The following ATG16L2 variants were observed in gnomAD, a reference collection of about 807,000 sequenced individuals.
The protein encoded by ATG16L2 is autophagy related 16 like 2.
Under a neutral mutation model 84.7 loss-of-function variants are expected in ATG16L2, and 77 were observed. The ratio of observed to expected loss-of-function variants is 0.91; its 90% CI spans 0.76 to 1.10. ATG16L2 has a LOEUF of 1.10. Among genes scored for constraint, ATG16L2 ranks in the 50% least tolerant of loss-of-function variants. ATG16L2 has a pLI of 0.00. For synonymous variants in ATG16L2, 361 were observed against 342.8 expected (o/e 1.05, Z -0.59); for missense variants, 782 against 817.6 (o/e 0.96, Z 0.53).
At chr11:72,824,336 C>T (rs1414205776) in intron 8 of ATG16L2, 2 of 613,722 alleles carry the variant, frequency 3.3e-6, no homozygotes, top group Non-Finnish European at 5.7e-6. Flanking sequence ...AAGGGTCTGT[C>T]TTCATCCAAG....
At chr11:72,837,369 C>A (rs941547153) in intron 5 of ATG16L2, 1 of 151,822 alleles carries the variant, frequency 6.6e-6, no homozygotes, top group South Asian at 2.1e-4. Flanking sequence ...ATTTGGCGAG[C>A]ATTTCAAGTT....
At chr11:72,834,173 AT>A (rs1860667573), downstream of ATG16L2, among the ~76,000 whole-genome samples, 1 of 152,126 alleles carries the variant, frequency 6.6e-6, no homozygotes, top group South Asian at 2.1e-4. Context: ...CTAACCTAAA[AT>A]TTCTGTAATT....
At chr11:72,824,253 C>A in intron 8 of ATG16L2, 131 bp downstream of exon 8, 2 of 1,157,242 alleles carry the variant, frequency 1.7e-6, no homozygotes, top group Non-Finnish European at 1.3e-6. Flanking sequence ...TCTGTTGGGC[C>A]TTGGAGACAG....
chr11:72,823,714 C>G (rs934971215), intron 7 of ATG16L2: 6 of 479,128 alleles, frequency 1.3e-5, no homozygotes, highest in South Asian at 1.5e-5. Context: ...TAGGCTCCCC[C>G]CTCCTCCCAT....
In ATG16L2 at chr11:72,814,550, G is replaced by A. The variant is rs1859592279; in HGVS notation, c.105G>A (p.Glu35=). The A allele has an allele frequency of 1.3e-6, 2 of 1,575,058 alleles. No homozygotes were observed. The highest frequency in any genetic ancestry group is 1.4e-5 in the African/African-American group (1 of 73,464). The change falls in exon 1 of 18, where the codon GAG becomes GAA. Residue 35 remains glutamate (E), a synonymous_variant. Transcript: ENST00000321297. ...GTACGCAAAAGGCGCTTTTCCTGGA[G>A]CTGGTGCCGGCCTGTGAGTGCGCCC... is the stretch of plus-strand genomic sequence containing the variant. The part of the protein sequence containing the change: ...RDRTQKALFL[E]LVPAYNHLLE...
chr11:72,826,293 A>C, intron 11 of ATG16L2, 50 bp downstream of exon 11: 5 of 1,589,786 alleles, frequency 3.1e-6, no homozygotes, highest in South Asian at 1.1e-5. Flanking sequence ...TCTGATCTCC[A>C]CACTGGGCAG....
Position 72,827,201 on chromosome 11 carries a change from C to A in ATG16L2, c.1380C>A (p.Ile460=). The part of the protein sequence containing the change: ...DLGRAYCSRT[I]NVLSYCNDVV... ...CTTGGTCCCCAGGCTCCAGGACCAT[C>A]AATGTCCTTTCCTACTGTAATGACG... Residue 460 remains isoleucine, a synonymous_variant, in exon 14 of 18, where the codon ATC becomes ATA. Transcript: ENST00000321297. 1 of 1,613,866 alleles carries A rather than the reference C, an allele frequency of 6.2e-7. No homozygotes were observed. The highest frequency in any genetic ancestry group is 8.5e-7 in the Non-Finnish European group (1 of 1,179,770).
At chr11:72,817,014 C>T (rs1859738052) in intron 2 of ATG16L2, among the ~76,000 whole-genome samples, 187 bp downstream of exon 2, 1 of 152,256 alleles carries the variant, frequency 6.6e-6, no homozygotes. Flanking sequence ...CACAGGACAG[C>T]TGTTTAGAAT....
chr11:72,833,536 A>G (rs1565275972), downstream of ATG16L2, among the ~76,000 whole-genome samples: 1 of 152,178 alleles, frequency 6.6e-6, no homozygotes, highest in Non-Finnish European at 1.5e-5. Flanking sequence ...TCCTCACAGG[A>G]GCAAGTGGTG....
downstream of ATG16L2, among the ~76,000 whole-genome samples, chr11:72,831,561 CT>C (rs1341807218): frequency 2.0e-5 from 3 of 152,196 alleles, no homozygotes; most frequent in Non-Finnish European, 4.4e-5. Context: ...GTCTAAGAGC[CT>C]TGGGCTCCAA....
chr11:72,827,957 A>AAAACCAAAAC (rs1565271876), intron 14 of ATG16L2, among the ~76,000 whole-genome samples: 1 of 152,054 alleles, frequency 6.6e-6, no homozygotes, highest in African/African-American at 2.4e-5. Context: ...AAAACCAAAA[A>AAAACCAAAAC]CAAAACAAAA....
Position 72,827,262 on chromosome 11 carries a change from A to G in ATG16L2, c.1441A>G (p.Asn481Asp). 6.2e-7 allele frequency: 1 copy of G among 1,614,060 alleles called. No homozygotes were observed. Among genetic ancestry groups the G allele is most frequent in the Admixed American group, 1.7e-5 (1 of 60,012 alleles). Reference protein sequence around the residue: ...CGDHIIISGHNDQKIRFWDSR... With the variant: ...CGDHIIISGHDDQKIRFWDSR... ...GGACCATATCATCATTAGTGGCCAC[A>G]ATGACCAGAAGATCCGGTTCTGGGA... is the stretch of plus-strand genomic sequence containing the variant. Residue 481 changes from asparagine to aspartate, a missense_variant, in exon 14 of 18, where the codon AAT (asparagine) becomes GAT (aspartate). By Grantham distance (23) the Asn-to-Asp change is conservative (BLOSUM62 1). Coordinates refer to ENST00000321297, the MANE Select transcript of ATG16L2 (RefSeq NM_033388.2).
At chr11:72,828,819 C>CCGGA (rs754075926) in intron 16 of ATG16L2, 43 bp downstream of exon 16, 2 of 1,613,774 alleles carry the variant, frequency 1.2e-6, no homozygotes, top group Non-Finnish European at 1.7e-6. Context: ...GTGTGCCCTG[C>CCGGA]CGGACCCTGT....
At chr11:72,815,829 T>A (rs1417056056) in intron 1 of ATG16L2, 8 of 152,110 alleles carry the variant, frequency 5.3e-5, no homozygotes, top group African/African-American at 1.5e-4. Flanking sequence ...CCCCTGGAAC[T>A]GGTGAGAAAA....
In ATG16L2 at chr11:72,814,453, G is replaced by C; in HGVS notation, c.8G>C (p.Gly3Ala). MA[G>A]PGVPGAPAAR... ...AGGCGGGAGAGCGCGGCCATGGCGG[G>C]GCCGGGCGTCCCCGGTGCCCCCGCA... The change falls in exon 1 of 18, where the codon GGG becomes GCG. Residue 3 changes from glycine (G) to alanine (A), a missense_variant. Gly to Ala is a moderately conservative substitution (Grantham distance 60). Coordinates refer to ENST00000321297, the MANE Select transcript of ATG16L2 (RefSeq NM_033388.2). The C allele has an allele frequency of 6.7e-7, 1 of 1,503,320 alleles. No individual in the cohort carries two copies. The highest frequency in any genetic ancestry group is 8.9e-7 in the Non-Finnish European group (1 of 1,120,900). 93.1% of individuals were successfully genotyped at this position (1,503,320 alleles called of 1,614,324 possible). A position where few individuals can be genotyped will look rare whatever the true frequency, so the allele number is the denominator to read the frequency against.
chr11:72,825,262 G>A (rs750184184), intron 9 of ATG16L2, 40 bp from the exon 10 acceptor site: 31 of 1,527,114 alleles, frequency 2.0e-5, no homozygotes, highest in Non-Finnish European at 2.4e-5. Flanking sequence ...AGAGACATGC[G>A]CGGGGAGGGC....
chr11:72,819,353 C>G (rs1217113220), intron 3 of ATG16L2, among the ~76,000 whole-genome samples: 1 of 152,130 alleles, frequency 6.6e-6, no homozygotes, highest in Non-Finnish European at 1.5e-5. Context: ...TGGAACACTC[C>G]TTTAGCACTC....
rs908322564 is a variant in ATG16L2, at chr11:72,822,117, T to C, written c.466T>C (p.Trp156Arg). 5 of 1,518,340 alleles carry C rather than the reference T, an allele frequency of 3.3e-6. No homozygotes were observed. The South Asian group carries it at 4.9e-5, about 15-fold the overall frequency. The allele number at this position is 1,518,340 out of a possible 1,614,324, so 94.1% of individuals were successfully genotyped here. A position where few individuals can be genotyped will look rare whatever the true frequency, so the allele number is the denominator to read the frequency against. Reference protein sequence around the residue: ...RAQQAQQVEEWRAQNAVQRAA... With the variant: ...RAQQAQQVEERRAQNAVQRAA... ...GCAGCAGGCCCAGCAGGTGGAGGAG[T>C]GGCGGGCGCAGAATGCGGTGCAGCG... The change falls in exon 5 of 18, where the codon TGG (tryptophan) becomes CGG (arginine). Residue 156 changes from tryptophan (W) to arginine (R), a missense_variant. Coordinates refer to ENST00000321297, the MANE Select transcript of ATG16L2 (RefSeq NM_033388.2). This position sits in a 1 kb window ranked among gnomAD's most constrained non-coding sequence, Gnocchi z 4.2.
intron 5 of ATG16L2, among the ~76,000 whole-genome samples, chr11:72,839,139 C>T (rs548569590): frequency 4.6e-5 from 7 of 152,192 alleles, no homozygotes; most frequent in Non-Finnish European, 1.0e-4. Flanking sequence ...GATCCTAGCA[C>T]ATCCTCCAAA....
Sources: gnomAD v4.1 joint callset for allele counts (sites outside exome capture counted in the v4.1 genomes callset) on GRCh38, gnomAD v4.1.1 for gene constraint, Gnocchi (gnomAD v3.1) non-coding constraint, MANE v1.5 for transcripts, NCBI Gene and HGNC (gene_info 2026-07-23, HGNC 2026-07-21) for gene names.